Variants in CFAP70 observed in about 807,000 individuals in gnomAD.
The protein encoded by CFAP70 is cilia and flagella associated protein 70.
CFAP70 carries 81 observed loss-of-function variants against 137.6 expected under a neutral mutation model. That is an observed-to-expected ratio of 0.59 (90% CI 0.49 to 0.71). The LOEUF is 0.71. CFAP70 is among the 30% of genes least tolerant of loss of function. CFAP70 has a pLI of 0.00. For synonymous variants in CFAP70, 382 were observed against 423.6 expected (o/e 0.90, Z 1.20); for missense variants, 976 against 1,226.7 (o/e 0.80, Z 3.05).
At chr10:73,287,836 G>T (rs562618611) in intron 19 of CFAP70, among the ~76,000 whole-genome samples, 57 of 151,182 alleles carry the variant, frequency 3.8e-4, no homozygotes, top group Non-Finnish European at 6.8e-4. Context: ...GGGAAAAATG[G>T]ACTGATGCAT....
At chr10:73,343,159 G>A (rs1347600108) in intron 5 of CFAP70, among the ~76,000 whole-genome samples, 2 of 148,370 alleles carry the variant, frequency 1.3e-5, no homozygotes, top group African/African-American at 5.0e-5. Context: ...GCAGTGTGCC[G>A]AGATCGCACC....
chr10:73,312,629 C>T, exon 10 of CFAP70: 2 of 1,573,032 alleles, frequency 1.3e-6, no homozygotes, highest in South Asian at 1.2e-5. Context: ...GGAACAAGCT[C>T]AATAAACATT....
At chr10:73,257,859 T>A (rs2044672305) in intron 25 of CFAP70, among the ~76,000 whole-genome samples, 1 of 151,496 alleles carries the variant, frequency 6.6e-6, no homozygotes, top group African/African-American at 2.4e-5. Context: ...ACATTTCTTC[T>A]TCTTCTCCTT....
At chr10:73,290,581 T>G (rs1220300913) in intron 19 of CFAP70, among the ~76,000 whole-genome samples, 1 of 152,002 alleles carries the variant, frequency 6.6e-6, no homozygotes, top group African/African-American at 2.4e-5. Flanking sequence ...TGTTAAAAAA[T>G]GTAGGCACAC....
chr10:73,265,121 C>T (rs542065424), intron 25 of CFAP70, among the ~76,000 whole-genome samples: 91 of 152,228 alleles, frequency 6.0e-4, no homozygotes, highest in Admixed American at 6.5e-4. Context: ...GTCAGGAGAT[C>T]GAGACCATCC....
chr10:73,350,265 G>A (rs1021843565), intron 3 of CFAP70, among the ~76,000 whole-genome samples: 3 of 152,018 alleles, frequency 2.0e-5, no homozygotes, highest in African/African-American at 7.3e-5. Context: ...CAATTCCTGT[G>A]TTCCTACTTG....
intron 4 of CFAP70, among the ~76,000 whole-genome samples, chr10:73,347,815 T>G (rs1212185254): frequency 6.6e-6 from 1 of 152,198 alleles, no homozygotes; most frequent in Non-Finnish European, 1.5e-5. Flanking sequence ...TGAGGTGCTT[T>G]CATATACTAC....
At chr10:73,331,779 A>G (rs2052125611) in intron 7 of CFAP70, among the ~76,000 whole-genome samples, 1 of 152,306 alleles carries the variant, frequency 6.6e-6, no homozygotes, top group Admixed American at 6.5e-5. Flanking sequence ...AGTGAGGCAA[A>G]CTGAACATTG....
At chr10:73,302,883 C>CTTTTCTTTTTTTTTTT (rs545853627) in intron 12 of CFAP70, among the ~76,000 whole-genome samples, 1 of 131,002 alleles carries the variant, frequency 7.6e-6, no homozygotes, top group East Asian at 2.2e-4. Flanking sequence ...CTTTTCTTTT[C>CTTTTCTTTTTTTTTTT]TTTTTTTTTT....
At chr10:73,256,305 C>T (rs2044484771) in intron 26 of CFAP70, 64 bp downstream of exon 27, 1 of 1,568,928 alleles carries the variant, frequency 6.4e-7, no homozygotes, top group Non-Finnish European at 8.8e-7. Context: ...TAAGCCAGTA[C>T]CTCCCTCCTA....
At chr10:73,255,409 G>GCTGGGCATGGTAGCACATACCTGTAATC in intron 26 of CFAP70, among the ~76,000 whole-genome samples, 2 of 152,006 alleles carry the variant, frequency 1.3e-5, no homozygotes, top group Admixed American at 6.6e-5. Context: ...AAAAAATTCA[G>GCTGGGCATGGTAGCACATACCTGTAATC]CTGGGCATGG....
chr10:73,339,582 G>A (rs1309878996), intron 6 of CFAP70, among the ~76,000 whole-genome samples: 4 of 152,206 alleles, frequency 2.6e-5, no homozygotes, highest in East Asian at 1.9e-4. Flanking sequence ...TGCCAAGGGT[G>A]AGCTAGGCAT....
At chr10:73,336,099 G>A (rs1248393886) in intron 6 of CFAP70, among the ~76,000 whole-genome samples, 2 of 149,972 alleles carry the variant, frequency 1.3e-5, no homozygotes, top group Admixed American at 6.6e-5. Context: ...CTCAATAATC[G>A]CACCATTGCA....
chr10:73,303,259 C>T lies in CFAP70; in HGVS notation c.1257-3594G>A, dbSNP rs562575777. The stretch of plus-strand genomic sequence containing the variant: ...TTGAGATGGAGTCTCACTCTGTTGC[C>T]CAGGCTGGAGTGCAGTGGCACAACC... On this transcript the variant is annotated intron_variant, in intron 12 of 26. Transcript: ENST00000310715. Among the ~76,000 whole-genome samples the T allele has an allele frequency of 7.9e-5, 12 of 151,808 alleles. No individual in the cohort carries two copies. The South Asian group carries it at 2.3e-3, about 29-fold the overall frequency.
chr10:73,287,085 G>A (rs12262466), intron 19 of CFAP70, among the ~76,000 whole-genome samples: 1 of 152,160 alleles, frequency 6.6e-6, no homozygotes, highest in African/African-American at 2.4e-5. Context: ...TGCAGAGATT[G>A]TGTTTATGGC....
At chr10:73,312,428 GAA>G (rs775981817) in intron 10 of CFAP70, 43 bp downstream of exon 11, 15 of 1,408,994 alleles carry the variant, frequency 1.1e-5, no homozygotes, top group Non-Finnish European at 1.5e-5. Flanking sequence ...GAAGCCTCTG[GAA>G]TGTAATCTAA....
chr10:73,302,634 A>G (rs929840655), intron 12 of CFAP70, among the ~76,000 whole-genome samples: 1 of 151,872 alleles, frequency 6.6e-6, no homozygotes, highest in Non-Finnish European at 1.5e-5. Flanking sequence ...ACAATAAATT[A>G]TCAAGCTTTT....
At chr10:73,312,986 A>C (rs12572144) in intron 9 of CFAP70, among the ~76,000 whole-genome samples, 16,081 of 151,968 alleles carry the variant, frequency 0.11, 1,230 homozygotes, top group East Asian at 0.3. Context: ...GTAATCCCAG[A>C]ACTTTGGCAG....
At chr10:73,270,632 T>C (rs1237197180) in intron 24 of CFAP70, among the ~76,000 whole-genome samples, 5 of 142,794 alleles carry the variant, frequency 3.5e-5, no homozygotes, top group Admixed American at 7.2e-5. Context: ...GCCTCCCAGG[T>C]TTAATCGATT....
Sources: gnomAD v4.1 joint callset for allele counts (sites outside exome capture counted in the v4.1 genomes callset) on GRCh38, gnomAD v4.1.1 for gene constraint, MANE v1.5 for transcripts, NCBI Gene and HGNC (gene_info 2026-07-23, HGNC 2026-07-21) for gene names.